Variants in FOCAD observed in about 807,000 individuals in gnomAD.
FOCAD encodes KIAA1797.
In FOCAD, 198 loss-of-function variants were observed where a neutral mutation model predicts 225.6. The ratio of observed to expected loss-of-function variants is 0.88; its 90% CI spans 0.78 to 0.99. The LOEUF (loss-of-function observed/expected upper bound fraction) is 0.99, where lower values mean the gene tolerates loss of function less well. Ranked by LOEUF, FOCAD falls within the 50% of genes least tolerant of loss-of-function variation. FOCAD has a pLI of 0.00. For missense variants in FOCAD, 2,713 were observed against 2,123.6 expected (o/e 1.28, Z -5.46); for synonymous variants, 897 against 755.0 (o/e 1.19, Z -3.08).
intron 1 of FOCAD, among the ~76,000 whole-genome samples, chr9:20,709,026 T>G (rs1363979785): frequency 6.6e-6 from 1 of 152,164 alleles, no homozygotes; most frequent in African/African-American, 2.4e-5. Context: ...ATTAAGTACT[T>G]TTGTGTGATA....
upstream of FOCAD, among the ~76,000 whole-genome samples, chr9:20,655,779 A>T (rs918344961): frequency 1.3e-5 from 2 of 151,702 alleles, no homozygotes; most frequent in African/African-American, 4.9e-5. Context: ...TATTTCCTTC[A>T]GTTCTGCTCT....
chr9:20,975,423 C>G (rs78754380), intron 35 of FOCAD, among the ~76,000 whole-genome samples: 5 of 152,144 alleles, frequency 3.3e-5, no homozygotes, highest in African/African-American at 1.2e-4. Flanking sequence ...ACTTCTAGAA[C>G]GGTCACCATG....
intron 15 of FOCAD, among the ~76,000 whole-genome samples, chr9:20,836,364 G>C (rs559441197): frequency 3.7e-4 from 56 of 152,174 alleles, no homozygotes; most frequent in Middle Eastern, 3.4e-3. Context: ...AACCTCTTTT[G>C]TTGTTCTTAT....
chr9:20,726,971 T>G (rs1174861697), intron 4 of FOCAD, among the ~76,000 whole-genome samples: 1 of 152,144 alleles, frequency 6.6e-6, no homozygotes, highest in Non-Finnish European at 1.5e-5. Flanking sequence ...GACAGCACAT[T>G]TTAATCTGCA....
At chr9:20,823,641 T>C (rs1824563641) in intron 15 of FOCAD, among the ~76,000 whole-genome samples, 2 of 152,080 alleles carry the variant, frequency 1.3e-5, no homozygotes, top group Admixed American at 1.3e-4. Context: ...GAGAATCTAC[T>C]GTTTTAGAGA....
At chr9:20,762,767 T>C (rs1829721577) in intron 6 of FOCAD, among the ~76,000 whole-genome samples, 1 of 152,192 alleles carries the variant, frequency 6.6e-6, no homozygotes, top group Non-Finnish European at 1.5e-5. Context: ...ATTGATTCTG[T>C]CACCCCGTAG....
At chr9:20,898,612 T>C (rs1832303046) in intron 21 of FOCAD, among the ~76,000 whole-genome samples, 1 of 151,926 alleles carries the variant, frequency 6.6e-6, no homozygotes, top group African/African-American at 2.4e-5. Context: ...ACATTGTTAA[T>C]TTGTTCTTGC....
At position 20,926,492 on chromosome 9, in the gene FOCAD, C is replaced by T. The variant is rs565613533; in HGVS notation, c.3078+75C>T. 7.0e-5 allele frequency: 68 copies of T among 977,752 alleles called. 1 individual carries two copies. Among genetic ancestry groups the T allele is most frequent in the Middle Eastern group, 4.2e-4 (2 of 4,750 alleles). 60.6% of individuals were successfully genotyped at this position (977,752 alleles called of 1,614,324 possible). On this transcript the variant is annotated intron_variant, in intron 26 of 43. Coordinates refer to ENST00000338382, the MANE Select transcript of FOCAD (RefSeq NM_001375567.1). ...ATGACATCAGTTGGTCACATGAAATCGATTATATAGGCCAGGCGCGGTGGC... is the reference window on the plus strand; with the variant it reads ...ATGACATCAGTTGGTCACATGAAATTGATTATATAGGCCAGGCGCGGTGGC...
At chr9:20,963,297 T>C (rs1341074339) in intron 35 of FOCAD, among the ~76,000 whole-genome samples, 1 of 152,186 alleles carries the variant, frequency 6.6e-6, no homozygotes, top group Non-Finnish European at 1.5e-5. Flanking sequence ...TTCTAGCGAA[T>C]ATAGAAGCAA....
intron 35 of FOCAD, among the ~76,000 whole-genome samples, chr9:20,955,182 G>C (rs1838022494): frequency 6.6e-6 from 1 of 152,106 alleles, no homozygotes; most frequent in South Asian, 2.1e-4. Context: ...GGGATGGCAT[G>C]GTTTCATTGT....
At chr9:20,771,416 G>A (rs1818214088) in intron 8 of FOCAD, among the ~76,000 whole-genome samples, 1 of 152,180 alleles carries the variant, frequency 6.6e-6, no homozygotes, top group Admixed American at 6.5e-5. Flanking sequence ...AGGAAGTGAG[G>A]AGGATGTCTT....
intron 2 of FOCAD, among the ~76,000 whole-genome samples, chr9:20,667,546 G>A (rs952997879): frequency 6.6e-6 from 1 of 152,180 alleles, no homozygotes; most frequent in African/African-American, 2.4e-5. Flanking sequence ...CCCTGACAAA[G>A]GAATCTTTCT....
At position 20,723,331 on chromosome 9, in the gene FOCAD, T is replaced by G. The variant is rs149062046; in HGVS notation, c.287+2797T>G. On this transcript the variant is annotated intron_variant, in intron 4 of 43. Coordinates refer to ENST00000338382, the MANE Select transcript of FOCAD (RefSeq NM_001375567.1). ...GGTGAAACCCTGTCTCTACTAAAAA[T>G]ACAAAAATTAGCCGGGCGTGGTGAC... Among the ~76,000 whole-genome samples the G allele has an allele frequency of 1.8e-3, 270 of 152,182 alleles. 8 individuals carry two copies. The East Asian group carries it at 0.042, about 24-fold the overall frequency.
chr9:20,789,722 ATTTT>A, intron 11 of FOCAD, 114 bp downstream of exon 11: 2 of 1,066,330 alleles, frequency 1.9e-6, no homozygotes, highest in Non-Finnish European at 2.6e-6. Flanking sequence ...TGGGTTGATG[ATTTT>A]TTTTTTTTTT....
chr9:20,697,380 C>T (rs757605802), intron 1 of FOCAD, among the ~76,000 whole-genome samples: 42 of 152,322 alleles, frequency 2.8e-4, no homozygotes, highest in South Asian at 6.2e-4. Flanking sequence ...GTAGGACTTC[C>T]CATCTCACTG....
intron 35 of FOCAD, among the ~76,000 whole-genome samples, chr9:20,974,579 G>T (rs1432038841): frequency 7.0e-6 from 1 of 142,276 alleles, no homozygotes; most frequent in African/African-American, 2.7e-5. Flanking sequence ...CCCCATTTTA[G>T]CATCTGCTAA....
chr9:20,923,759 GCT>G lies in FOCAD; in HGVS notation c.2954_2955del (p.Leu985ProfsTer6). The G allele has an allele frequency of 6.2e-7, 1 of 1,612,820 alleles. No homozygotes were observed. Among genetic ancestry groups the G allele is most frequent in the Non-Finnish European group, 8.5e-7 (1 of 1,179,022 alleles). ...EASLSSDSDG[L>X]LEVQPNFLSM... is the part of the protein sequence containing the mutation. Reference sequence around the variant, plus strand: ...CCAGCCTCTCCTCAGACTCTGACGGGCTCCTGGAGGTTAGTTGGGGTGATTTA... The same window carrying G: ...CCAGCCTCTCCTCAGACTCTGACGGGCCTGGAGGTTAGTTGGGGTGATTTA... On this transcript the variant is annotated frameshift_variant, in exon 25 of 44. Transcript: ENST00000338382. LOFTEE classifies it high-confidence loss of function.
At chr9:20,960,508 C>T (rs1454582863) in intron 35 of FOCAD, among the ~76,000 whole-genome samples, 1 of 152,156 alleles carries the variant, frequency 6.6e-6, no homozygotes, top group Non-Finnish European at 1.5e-5. Flanking sequence ...TTAGTTTTAG[C>T]ATTCACTAAT....
intron 28 of FOCAD, among the ~76,000 whole-genome samples, chr9:20,943,450 G>C (rs1836869784): frequency 7.8e-6 from 1 of 128,638 alleles, no homozygotes. Context: ...AGAAGGCTAG[G>C]AATAAAAAAA....
Sources: allele counts gnomAD v4.1 joint callset (sites outside exome capture counted in the v4.1 genomes callset), GRCh38; gene constraint gnomAD v4.1.1; transcripts MANE v1.5; gene names NCBI Gene and HGNC (gene_info 2026-07-23, HGNC 2026-07-21).